The following ADAMTS19 variants were observed in gnomAD, a reference collection of about 807,000 sequenced individuals.
The protein encoded by ADAMTS19 is A disintegrin and metalloproteinase with thrombospondin motifs 19.
Under a neutral mutation model 153.3 loss-of-function variants are expected in ADAMTS19, and 93 were observed. That is an observed-to-expected ratio of 0.61 (90% confidence interval 0.51 to 0.72). The LOEUF is 0.72. Ranked by LOEUF, ADAMTS19 falls within the 30% of genes least tolerant of loss-of-function variation. The pLI is 0.00. For missense variants in ADAMTS19, 1,482 were observed against 1,552.1 expected, an observed-to-expected ratio of 0.95 and a Z score of 0.76; for synonymous variants, 600 against 556.6, an observed-to-expected ratio of 1.08 and a Z score of -1.10.
At chr5:129,487,928 G>A (rs1387435930) in intron 2 of ADAMTS19, among the ~76,000 whole-genome samples, 3 of 152,006 alleles carry the variant, frequency 2.0e-5, no homozygotes, top group Non-Finnish European at 4.4e-5. Flanking sequence ...TTAAACTGAA[G>A]TGATTCATAT....
At chr5:129,526,505 G>A (rs1561551734) in intron 4 of ADAMTS19, 49 bp downstream of exon 4, 3 of 1,511,450 alleles carry the variant, frequency 2.0e-6, no homozygotes, top group Non-Finnish European at 2.7e-6. Flanking sequence ...AAAACTCTAA[G>A]GAAGACATGT....
At chr5:129,555,346 T>C (rs1382393911) in intron 7 of ADAMTS19, among the ~76,000 whole-genome samples, 3 of 152,156 alleles carry the variant, frequency 2.0e-5, no homozygotes, top group Admixed American at 2.0e-4. Flanking sequence ...TGCTTTGCAC[T>C]GTAATTCAAA....
chr5:129,578,909 C>T (rs920331801), intron 7 of ADAMTS19, among the ~76,000 whole-genome samples: 8 of 152,108 alleles, frequency 5.3e-5, no homozygotes, highest in African/African-American at 1.9e-4. Flanking sequence ...CATACGTGTG[C>T]ATGTGTCTTT....
At chr5:129,634,623 T>C (rs1752451059) in intron 10 of ADAMTS19, among the ~76,000 whole-genome samples, 1 of 151,766 alleles carries the variant, frequency 6.6e-6, no homozygotes, top group Admixed American at 6.6e-5. Context: ...AGAAACAAGG[T>C]TGCAAACCTA....
intron 8 of ADAMTS19, among the ~76,000 whole-genome samples, chr5:129,617,151 CA>C (rs1448427705): frequency 6.6e-6 from 1 of 151,994 alleles, no homozygotes; most frequent in African/African-American, 2.4e-5. Context: ...CCTGTAGAGT[CA>C]GGACTAAGCA....
At chr5:129,587,440 A>G (rs554621536) in intron 7 of ADAMTS19, among the ~76,000 whole-genome samples, 1 of 151,882 alleles carries the variant, frequency 6.6e-6, no homozygotes, top group East Asian at 1.9e-4. Context: ...CAAGCCTGGT[A>G]TTTTTTGAAT....
chr5:129,467,285 G>C (rs1057437008), intron 2 of ADAMTS19, among the ~76,000 whole-genome samples: 7 of 152,142 alleles, frequency 4.6e-5, no homozygotes, highest in Non-Finnish European at 2.9e-5. Flanking sequence ...AGCGATTCTA[G>C]TTGATTTTGT....
intron 2 of ADAMTS19, among the ~76,000 whole-genome samples, chr5:129,498,229 TTG>T (rs1447673331): frequency 6.6e-6 from 1 of 152,106 alleles, no homozygotes; most frequent in African/African-American, 2.4e-5. Flanking sequence ...CCAACAAGTC[TTG>T]TGTCTCTCCA....
chr5:129,652,240 A>C (rs1431958117), intron 13 of ADAMTS19, among the ~76,000 whole-genome samples: 1 of 152,234 alleles, frequency 6.6e-6, no homozygotes, highest in Non-Finnish European at 1.5e-5. Context: ...AAAATATACA[A>C]CAGTCACTAG....
At chr5:129,510,382 T>C (rs73787533) in intron 3 of ADAMTS19, among the ~76,000 whole-genome samples, 1,991 of 152,000 alleles carry the variant, frequency 0.013, 41 homozygotes, top group African/African-American at 0.045. Context: ...TAAAAAGTCA[T>C]GATGTCAGTC....
chr5:129,511,961 A>G (rs1751450187), intron 3 of ADAMTS19, among the ~76,000 whole-genome samples: 1 of 152,006 alleles, frequency 6.6e-6, no homozygotes, highest in South Asian at 2.1e-4. Context: ...CAGAAGGAAT[A>G]ACACATGAAA....
At chr5:129,559,539 A>G (rs1753427485) in intron 7 of ADAMTS19, among the ~76,000 whole-genome samples, 1 of 152,142 alleles carries the variant, frequency 6.6e-6, no homozygotes, top group African/African-American at 2.4e-5. Flanking sequence ...TATGGAAACA[A>G]TGTGCTTCAG....
rs529444004 is a variant in ADAMTS19 at position 129,645,885 on chromosome 5, A to ATTTT, written c.1873-1862_1873-1859dup. Among the ~76,000 whole-genome samples, 31 of 97,102 alleles carry ATTTT rather than the reference A, an allele frequency of 3.2e-4. 2 individuals are homozygous for ATTTT. Among genetic ancestry groups the ATTTT allele is most frequent in the Middle Eastern group, 6.8e-3 (1 of 148 alleles). 63.7% of individuals were successfully genotyped at this position (97,102 alleles called of 152,430 possible). On this transcript the variant is annotated intron_variant, in intron 11 of 22. Coordinates refer to ENST00000274487, the MANE Select transcript of ADAMTS19 (RefSeq NM_133638.6). ...CACATGGTTTCTTTCTCCTTTTCCA[A>ATTTT]TTTTTTTTTTTTTTTTTTTTTGAGA...
chr5:129,493,592 C>A (rs1750838919), intron 2 of ADAMTS19, among the ~76,000 whole-genome samples: 1 of 152,088 alleles, frequency 6.6e-6, no homozygotes, highest in African/African-American at 2.4e-5. Context: ...GATTTAATCT[C>A]AACTATGAAA....
chr5:129,556,484 C>G (rs1378032566), intron 7 of ADAMTS19, among the ~76,000 whole-genome samples: 8 of 152,096 alleles, frequency 5.3e-5, no homozygotes, highest in South Asian at 2.1e-4. Context: ...AATAATGGTC[C>G]TCAAGAGTGT....
At chr5:129,663,215 C>T (rs1028353918) in intron 15 of ADAMTS19, among the ~76,000 whole-genome samples, 5 of 152,014 alleles carry the variant, frequency 3.3e-5, no homozygotes, top group South Asian at 4.2e-4. Context: ...TCTTTTTTCC[C>T]GATTTATTTT....
chr5:129,495,882 A>G lies in ADAMTS19; in HGVS notation c.748-13195A>G, dbSNP rs564014013. ...CAGCTCTTTAGGTGTATGATCTCCT[A>G]TAGCAGCCTCTGATAAATCAGCAAG... On this transcript the variant is annotated intron_variant, in intron 2 of 22. Coordinates refer to ENST00000274487, the MANE Select transcript of ADAMTS19 (RefSeq NM_133638.6). Among the ~76,000 whole-genome samples, 4 of 152,162 alleles carry G rather than the reference A, an allele frequency of 2.6e-5. No homozygotes were observed. The East Asian group carries it at 5.8e-4, about 22-fold the overall frequency.
chr5:129,596,596 A>T lies in ADAMTS19; in HGVS notation c.1410A>T (p.Arg470Ser), dbSNP rs763009369. 1.9e-6 allele frequency: 3 copies of T among 1,608,596 alleles called. No individual in the cohort carries two copies. Among genetic ancestry groups the T allele is most frequent in the Non-Finnish European group, 2.5e-6 (3 of 1,177,608 alleles). The change falls in exon 8 of 23, where the codon AGA becomes AGT. Residue 470 changes from arginine (R) to serine (S), a missense_variant. Physicochemically the swap from Arg to Ser is moderately radical, Grantham distance 110. This residue lies in a region of ADAMTS19 where 866 missense variants were observed against 827.7 expected (regional missense o/e 1.05). Transcript: ENST00000274487. ...TGAGTGGAATGTGTAGTGAAAAGAG[A>T]AAATGTATTATTGCTGAAGACAATG... ...AYLSGMCSEK[R>S]KCIIAEDNGL... is the part of the protein sequence containing the mutation.
chr5:129,704,452 T>C, intron 21 of ADAMTS19, 61 bp downstream of exon 21: 1 of 1,554,500 alleles, frequency 6.4e-7, no homozygotes. Flanking sequence ...TTGCCCTGGG[T>C]ACTATAACCA....
Sources: allele counts gnomAD v4.1 joint callset (sites outside exome capture counted in the v4.1 genomes callset), GRCh38; gene constraint gnomAD v4.1.1; regional missense constraint gnomAD v4.1.1; transcripts MANE v1.5; gene names NCBI Gene and HGNC (gene_info 2026-07-23, HGNC 2026-07-21).